Variants in APOBEC3C observed in about 807,000 individuals in gnomAD.
The protein encoded by APOBEC3C is apolipoprotein B mRNA editing enzyme catalytic subunit 3C, also known as DNA dC->dU-editing enzyme APOBEC-3C.
Under a neutral mutation model 20.6 loss-of-function variants are expected in APOBEC3C, and 14 were observed. That is an observed-to-expected ratio of 0.68 (90% CI 0.45 to 1.06). APOBEC3C has a LOEUF of 1.06. Among genes scored for constraint, APOBEC3C ranks in the 50% least tolerant of loss-of-function variants. The pLI is 0.00. For missense variants in APOBEC3C, 244 were observed against 241.9 expected, an observed-to-expected ratio of 1.01 and a Z score of -0.06; for synonymous variants, 98 against 88.8, an observed-to-expected ratio of 1.10 and a Z score of -0.58.
Position 39,015,712 on chromosome 22 carries a change from C to T in APOBEC3C, c.135C>T (p.Arg45=). 1 of 1,614,096 alleles carries T rather than the reference C, an allele frequency of 6.2e-7. No homozygotes were observed. The highest frequency in any genetic ancestry group is 8.5e-7 in the Non-Finnish European group (1 of 1,180,010). Residue 45 remains arginine (R), a synonymous_variant, in exon 2 of 4, where the codon CGC becomes CGT. Transcript: ENST00000361441. ...LCFTVEGIKR[R]SVVSWKTGVF... Reference sequence around the variant, plus strand: ...TCACCGTGGAAGGTATAAAGCGCCGCTCAGTTGTCTCCTGGAAGACGGGCG... The same window carrying T: ...TCACCGTGGAAGGTATAAAGCGCCGTTCAGTTGTCTCCTGGAAGACGGGCG...
rs61235720 is a variant in APOBEC3C at position 39,019,798 on chromosome 22, C to CTTTTTTTTTTT, written c.*1425_*1435dup. The stretch of plus-strand genomic sequence containing the variant: ...GGATCTCTCTGCCTCCAAATATCAT[C>CTTTTTTTTTTT]TTTTTTTTTTTTTTTTTTTTTTTTG... On this transcript the variant is annotated 3_prime_UTR_variant, in exon 4 of 4. Coordinates refer to ENST00000361441, the MANE Select transcript of APOBEC3C (RefSeq NM_014508.3). 3 of 81,268 alleles carry CTTTTTTTTTTT rather than the reference C, an allele frequency of 3.7e-5. No homozygotes were observed. Among genetic ancestry groups the CTTTTTTTTTTT allele is most frequent in the East Asian group, 4.2e-4 (1 of 2,370 alleles). 5.0% of individuals were successfully genotyped at this position (81,268 alleles called of 1,614,324 possible).
Position 39,015,637 on chromosome 22 carries a change from A to C in APOBEC3C, c.60A>C (p.Gln20His), listed in dbSNP as rs1924751711. 3.1e-6 allele frequency: 5 copies of C among 1,614,010 alleles called. No individual in the cohort carries two copies. The highest frequency in any genetic ancestry group is 1.3e-5 in the African/African-American group (1 of 74,918). ...KAMYPGTFYFQFKNLWEANDR... is the reference protein window; with the variant it reads ...KAMYPGTFYFHFKNLWEANDR... ...TGTATCCAGGCACATTCTACTTCCA[A>C]TTTAAAAACCTATGGGAAGCCAACG... The change falls in exon 2 of 4, where the codon CAA becomes CAC. Residue 20 changes from glutamine to histidine, a missense_variant. Gln to His is a conservative substitution (Grantham distance 24). Transcript: ENST00000361441.
At chr22:39,016,472 C>T (rs372549264) in intron 2 of APOBEC3C, among the ~76,000 whole-genome samples, 1 of 151,176 alleles carries the variant, frequency 6.6e-6, no homozygotes, top group East Asian at 1.9e-4. Flanking sequence ...CCGCCTTGGC[C>T]TCCCAAAGTG....
chr22:39,015,571 G>T (rs1458780528), intron 1 of APOBEC3C, 24 bp from the exon 2 acceptor site: 2 of 1,611,556 alleles, frequency 1.2e-6, no homozygotes, highest in South Asian at 2.2e-5. Context: ...TCTCTGCATT[G>T]GGGTTTCTCT....
intron 1 of APOBEC3C, among the ~76,000 whole-genome samples, chr22:39,014,590 G>A (rs1457405884): frequency 6.6e-6 from 1 of 151,434 alleles, no homozygotes; most frequent in Non-Finnish European, 1.5e-5. Flanking sequence ...TTCCCCACTT[G>A]CCCCAGCCCA....
intron 2 of APOBEC3C, among the ~76,000 whole-genome samples, chr22:39,016,190 A>ATTAGTTATTTATTTATTTATTTAT (rs1924775281): frequency 7.1e-6 from 1 of 141,414 alleles, no homozygotes; most frequent in African/African-American, 2.7e-5. Flanking sequence ...TCCTCCCCAC[A>ATTAGTTATTTATTTATTTATTTAT]TTATTTATTT....
chr22:39,016,416 A>C (rs1383743044), intron 2 of APOBEC3C, among the ~76,000 whole-genome samples: 3 of 120,902 alleles, frequency 2.5e-5, no homozygotes, highest in African/African-American at 1.0e-4. Flanking sequence ...ACGGGGTTTC[A>C]TGGTGTTAGC....
Position 39,018,499 on chromosome 22 carries a change from CCT to C in APOBEC3C, c.*113_*114del. Reference sequence around the variant, plus strand: ...TTCTGCCTGGTCATCCTGAGCCCCTCCTGGCCTCAGGGCCATTCCACAGTGCT... The same window carrying C: ...TTCTGCCTGGTCATCCTGAGCCCCTCGGCCTCAGGGCCATTCCACAGTGCT... On this transcript the variant is annotated 3_prime_UTR_variant, in exon 4 of 4. Coordinates refer to ENST00000361441, the MANE Select transcript of APOBEC3C (RefSeq NM_014508.3). 7.6e-7 allele frequency: 1 copy of C among 1,319,286 alleles called. No individual in the cohort carries two copies. The highest frequency in any genetic ancestry group is 1.0e-6 in the Non-Finnish European group (1 of 954,120). The allele number at this position is 1,319,286 out of a possible 1,614,324, so 81.7% of individuals were successfully genotyped here.
intron 2 of APOBEC3C, among the ~76,000 whole-genome samples, chr22:39,017,241 TA>T (rs1467946843): frequency 6.6e-6 from 1 of 150,586 alleles, no homozygotes; most frequent in Non-Finnish European, 1.5e-5. Flanking sequence ...TTGAAAAAAA[TA>T]AAAATAAAAG....
Position 39,019,616 on chromosome 22 carries a change from C to G in APOBEC3C, c.*1229C>G, listed in dbSNP as rs925478707. ...GAAGATGTCCCAGGCCAGGTGCCCA[C>G]ATGGCAGGCATTTATTTTCTCACAG... On this transcript the variant is annotated 3_prime_UTR_variant, in exon 4 of 4. Transcript: ENST00000361441. The G allele has an allele frequency of 2.6e-5, 4 of 151,988 alleles. No individual in the cohort carries two copies. Among genetic ancestry groups the G allele is most frequent in the African/African-American group, 9.7e-5 (4 of 41,360 alleles). The allele number at this position is 151,988 out of a possible 1,614,324, so 9.4% of individuals were successfully genotyped here.
rs1924945708 is a variant in APOBEC3C, at chr22:39,019,595, A to T, written c.*1208A>T. On this transcript the variant is annotated 3_prime_UTR_variant, in exon 4 of 4. Coordinates refer to ENST00000361441, the MANE Select transcript of APOBEC3C (RefSeq NM_014508.3). ...TTTCATGCTGTGGCCTCCATAGAAG[A>T]TGTCCCAGGCCAGGTGCCCACATGG... 6.6e-6 allele frequency: 1 copy of T among 152,070 alleles called. No homozygotes were observed. The highest frequency in any genetic ancestry group is 1.5e-5 in the Non-Finnish European group (1 of 68,018). The allele number at this position is 152,070 out of a possible 1,614,324, so 9.4% of individuals were successfully genotyped here. A position where few individuals can be genotyped will look rare whatever the true frequency, so the allele number is the denominator to read the frequency against.
At chr22:39,015,806 A>G (rs1485875323) in intron 2 of APOBEC3C, 55 bp downstream of exon 2, 2 of 1,561,634 alleles carry the variant, frequency 1.3e-6, no homozygotes, top group Non-Finnish European at 1.7e-6. Flanking sequence ...CTGGGAATGC[A>G]GAAAACGCAA....
At chr22:39,015,832 C>A in intron 2 of APOBEC3C, 81 bp downstream of exon 2, 1 of 1,431,620 alleles carries the variant, frequency 7.0e-7, no homozygotes. Flanking sequence ...AGTGATGTGC[C>A]CGGCGTGGGC....
rs1432122873 is a variant in APOBEC3C at position 39,018,278 on chromosome 22, A to C, written c.464A>C (p.Tyr155Ser). The C allele has an allele frequency of 6.2e-7, 1 of 1,613,508 alleles. No homozygotes were observed. Among genetic ancestry groups the C allele is most frequent in the Non-Finnish European group, 8.5e-7 (1 of 1,179,780 alleles). Residue 155 changes from tyrosine (Y) to serine (S), a missense_variant, in exon 4 of 4, where the codon TAT becomes TCT. Tyr to Ser is a moderately radical substitution (Grantham distance 144). Transcript: ENST00000361441. Reference protein sequence around the residue: ...VEIMDYEDFKYCWENFVYNDN... With the variant: ...VEIMDYEDFKSCWENFVYNDN... ...CCTTGTTTTTTCTCAGATTTTAAATATTGTTGGGAAAACTTTGTGTACAAT... is the reference window on the plus strand; with the variant it reads ...CCTTGTTTTTTCTCAGATTTTAAATCTTGTTGGGAAAACTTTGTGTACAAT...
chr22:39,018,076 G>T, intron 3 of APOBEC3C, 31 bp downstream of exon 3: 2 of 1,609,520 alleles, frequency 1.2e-6, no homozygotes, highest in East Asian at 2.2e-5. Flanking sequence ...GAGAGTGGGT[G>T]CAGGAGGGAC....
In APOBEC3C at chr22:39,017,999, C is replaced by A; in HGVS notation, c.408C>A (p.Arg136=). ...FQYPCYQEGL[R]SLSQEGVAVE... ...ATCCATGTTACCAGGAGGGGCTCCG[C>A]AGCCTGAGTCAGGAAGGGGTCGCTG... Residue 136 remains arginine (R), a synonymous_variant, in exon 3 of 4, where the codon CGC becomes CGA. Transcript: ENST00000361441. The A allele has an allele frequency of 1.2e-6, 2 of 1,614,166 alleles. No individual in the cohort carries two copies. Among genetic ancestry groups the A allele is most frequent in the Non-Finnish European group, 1.7e-6 (2 of 1,180,024 alleles).
intron 2 of APOBEC3C, 56 bp from the exon 3 acceptor site, chr22:39,017,710 G>A (rs1352972174): frequency 5.7e-6 from 9 of 1,581,946 alleles, no homozygotes; most frequent in African/African-American, 1.3e-5. Context: ...CCCCACCCCT[G>A]CACTCCTCCT....
rs372746329 is a variant in APOBEC3C at position 39,017,761 on chromosome 22, G to C, written c.175-5G>C. ...TCCCCTGTCCTCCTCCTCCTCCTTC[G>C]CCAGGTGGATTCTGAGACCCATTGT... On this transcript the variant is annotated splice_region_variant and splice_polypyrimidine_tract_variant and intron_variant, in intron 2 of 3. Transcript: ENST00000361441. 9.9e-6 allele frequency: 16 copies of C among 1,610,892 alleles called. No individual in the cohort carries two copies. Among genetic ancestry groups the C allele is most frequent in the African/African-American group, 4.0e-5 (3 of 74,814 alleles).
At chr22:39,015,434 C>A (rs971142934) in intron 1 of APOBEC3C, among the ~76,000 whole-genome samples, 161 bp from the exon 2 acceptor site, 6 of 152,150 alleles carry the variant, frequency 3.9e-5, no homozygotes, top group Non-Finnish European at 5.9e-5. Flanking sequence ...TCTCTCTCCC[C>A]GTCTTCCTGC....
Sources: gnomAD v4.1 joint callset for allele counts (sites outside exome capture counted in the v4.1 genomes callset) on GRCh38, gnomAD v4.1.1 for gene constraint, MANE v1.5 for transcripts, NCBI Gene and HGNC (gene_info 2026-07-23, HGNC 2026-07-21) for gene names.